Variants in SH2D4B observed in about 807,000 individuals in gnomAD.
SH2D4B encodes SH2 domain containing 4B.
A neutral mutation model predicts 61.5 loss-of-function variants in SH2D4B; 45 were observed. That is an observed-to-expected ratio of 0.73 (90% CI 0.58 to 0.94). The LOEUF (loss-of-function observed/expected upper bound fraction) is 0.94, where lower values mean the gene tolerates loss of function less well. Ranked by LOEUF, SH2D4B falls within the 40% of genes least tolerant of loss-of-function variation. The probability of loss-of-function intolerance (pLI) is 0.00; values close to 1 mark genes in which losing one functional copy is unlikely to be tolerated. For synonymous variants in SH2D4B, 224 were observed against 220.4 expected (o/e 1.02, Z -0.14); for missense variants, 572 against 574.2 (o/e 1.00, Z 0.04).
At chr10:80,614,665 C>G (rs1177931339) in intron 6 of SH2D4B, among the ~76,000 whole-genome samples, 2 of 152,262 alleles carry the variant, frequency 1.3e-5, no homozygotes, top group African/African-American at 4.8e-5. Flanking sequence ...CCTTTACACC[C>G]TCTGCTCCTG....
In SH2D4B at chr10:80,538,626, C is replaced by T; in HGVS notation, c.184+111C>T. 1 of 947,098 alleles carries T rather than the reference C, an allele frequency of 1.1e-6. No individual in the cohort carries two copies. 58.7% of individuals were successfully genotyped at this position (947,098 alleles called of 1,614,324 possible). On this transcript the variant is annotated intron_variant, in intron 1 of 7. Transcript: ENST00000646907. The surrounding 1 kb of genome is among the most constrained non-coding windows in gnomAD (Gnocchi z 4.8). ...AAGATGGGCACTGGGGTGATGAGGG[C>T]TGGGGGCTTGAAACCCTTGTCTTGT...
At chr10:80,554,113 GA>G (rs1303160237) in intron 1 of SH2D4B, among the ~76,000 whole-genome samples, 2 of 152,228 alleles carry the variant, frequency 1.3e-5, no homozygotes, top group African/African-American at 4.8e-5. Flanking sequence ...AGTTCTAGAA[GA>G]ACTTTTCCAG....
chr10:80,562,464 CA>C (rs1481466221), intron 1 of SH2D4B, among the ~76,000 whole-genome samples: 1 of 152,212 alleles, frequency 6.6e-6, no homozygotes, highest in South Asian at 2.1e-4. Flanking sequence ...AAGAACCTAT[CA>C]ATGATATTAT....
chr10:80,551,634 T>G (rs577112151), intron 1 of SH2D4B, among the ~76,000 whole-genome samples: 16 of 152,108 alleles, frequency 1.1e-4, no homozygotes, highest in Non-Finnish European at 2.2e-4. Flanking sequence ...CCACTCAAAT[T>G]AAAGCAATCA....
At chr10:80,590,599 A>T (rs1392805109) in intron 4 of SH2D4B, among the ~76,000 whole-genome samples, 2 of 152,132 alleles carry the variant, frequency 1.3e-5, no homozygotes, top group Non-Finnish European at 2.9e-5. Context: ...CACTTGACTG[A>T]TGATTGCAAC....
intron 6 of SH2D4B, among the ~76,000 whole-genome samples, chr10:80,610,864 G>T (rs1338867450): frequency 6.6e-6 from 1 of 152,154 alleles, no homozygotes; most frequent in Non-Finnish European, 1.5e-5. Context: ...TGAAGGAGCT[G>T]CCTCTATTTA....
chr10:80,574,097 G>C (rs1258368313), intron 3 of SH2D4B, among the ~76,000 whole-genome samples: 1 of 151,920 alleles, frequency 6.6e-6, no homozygotes, highest in Non-Finnish European at 1.5e-5. Flanking sequence ...TCTATTTTTT[G>C]GAACTTGGTA....
At chr10:80,608,941 G>C (rs539489513) in intron 5 of SH2D4B, among the ~76,000 whole-genome samples, 1 of 152,128 alleles carries the variant, frequency 6.6e-6, no homozygotes, top group Non-Finnish European at 1.5e-5. Flanking sequence ...CTAAGGAGGG[G>C]ACAAGACCCA....
intron 6 of SH2D4B, among the ~76,000 whole-genome samples, chr10:80,620,897 G>A (rs1343476370): frequency 6.6e-6 from 1 of 152,226 alleles, no homozygotes; most frequent in Admixed American, 6.5e-5. Flanking sequence ...GAGGGCCTAA[G>A]TTCCAGACAC....
At chr10:80,549,959 A>G (rs1841736195) in intron 1 of SH2D4B, among the ~76,000 whole-genome samples, 1 of 152,064 alleles carries the variant, frequency 6.6e-6, no homozygotes, top group African/African-American at 2.4e-5. Context: ...GAGAAAGATT[A>G]ATATTTAATT....
chr10:80,644,364 C>G lies in SH2D4B; in HGVS notation c.*279C>G. The G allele has an allele frequency of 2.8e-6, 1 of 360,124 alleles. No homozygotes were observed. The highest frequency in any genetic ancestry group is 5.0e-6 in the Non-Finnish European group (1 of 199,342). The allele number at this position is 360,124 out of a possible 1,614,324, so 22.3% of individuals were successfully genotyped here. A position where few individuals can be genotyped will look rare whatever the true frequency, so the allele number is the denominator to read the frequency against. ...CCTGTTTGTCATGGCTGCCGTAAACCGAGCTCTTACAGTGCGTGGACCATG... is the reference window on the plus strand; with the variant it reads ...CCTGTTTGTCATGGCTGCCGTAAACGGAGCTCTTACAGTGCGTGGACCATG... On this transcript the variant is annotated 3_prime_UTR_variant, in exon 8 of 8. Coordinates refer to ENST00000646907, the MANE Select transcript of SH2D4B (RefSeq NM_001388272.1).
At chr10:80,584,824 C>T (rs1224660382) in intron 3 of SH2D4B, among the ~76,000 whole-genome samples, 3 of 152,148 alleles carry the variant, frequency 2.0e-5, no homozygotes, top group African/African-American at 7.2e-5. Flanking sequence ...GCTAAATATG[C>T]ATGTGCCAAA....
chr10:80,559,636 C>A (rs74953492), intron 1 of SH2D4B, among the ~76,000 whole-genome samples: 5,294 of 141,636 alleles, frequency 0.037, 289 homozygotes, highest in African/African-American at 0.13. Context: ...TGTGGTCCTG[C>A]ATTTTTTTTT....
chr10:80,603,679 G>A lies in SH2D4B; in HGVS notation c.744G>A (p.Thr248=), dbSNP rs367575042. The part of the protein sequence containing the change: ...HHSLRAIQKG[T]VAGLSSMFRE... The stretch of plus-strand genomic sequence containing the variant: ...CGCTCCGTGCTATCCAGAAGGGCAC[G>A]GTCGCTGGCCTCAGCTCCATGTTCC... The change falls in exon 5 of 8, where the codon ACG becomes ACA. Residue 248 remains threonine, a synonymous_variant. Coordinates refer to ENST00000646907, the MANE Select transcript of SH2D4B (RefSeq NM_001388272.1). The A allele has an allele frequency of 5.0e-6, 8 of 1,611,534 alleles. No homozygotes were observed. In the African/African-American group the frequency reaches 8.0e-5, roughly 16 times the overall value.
intron 6 of SH2D4B, among the ~76,000 whole-genome samples, chr10:80,631,025 A>AAT (rs1325872989): frequency 1.3e-5 from 2 of 152,236 alleles, no homozygotes; most frequent in Admixed American, 1.3e-4. Flanking sequence ...AGTCCACAAA[A>AAT]TAACGTGTTG....
Position 80,571,730 on chromosome 10 carries a change from C to A in SH2D4B, c.495+152C>A, listed in dbSNP as rs372672962. The A allele has an allele frequency of 3.9e-4, 283 of 732,718 alleles. No individual in the cohort carries two copies. In the African/African-American group the frequency reaches 4.5e-3, roughly 12 times the overall value. 45.4% of individuals were successfully genotyped at this position (732,718 alleles called of 1,614,324 possible). ...TCTGTAATGTCTGAGCAGGAAGGAA[C>A]TTGACACACCATTTGGGCCAATCCA... On this transcript the variant is annotated intron_variant, in intron 3 of 7. Transcript: ENST00000646907.
intron 6 of SH2D4B, among the ~76,000 whole-genome samples, chr10:80,616,914 C>T (rs968164515): frequency 1.4e-4 from 22 of 152,202 alleles, no homozygotes; most frequent in African/African-American, 4.8e-4. Flanking sequence ...CTCTTCTAAA[C>T]ATTTCTCATA....
chr10:80,608,813 T>A (rs1461034080), intron 5 of SH2D4B, among the ~76,000 whole-genome samples: 1 of 152,158 alleles, frequency 6.6e-6, no homozygotes, highest in African/African-American at 2.4e-5. Context: ...CTCAGCCATT[T>A]CCAGAGCAAA....
At chr10:80,577,710 G>A (rs1241679965) in intron 3 of SH2D4B, among the ~76,000 whole-genome samples, 2 of 151,686 alleles carry the variant, frequency 1.3e-5, no homozygotes, top group Admixed American at 1.3e-4. Flanking sequence ...ACAGGTGTGA[G>A]CCACAGCGCC....
Sources: gnomAD v4.1 joint callset for allele counts (sites outside exome capture counted in the v4.1 genomes callset) on GRCh38, gnomAD v4.1.1 for gene constraint, Gnocchi (gnomAD v3.1) non-coding constraint, MANE v1.5 for transcripts, NCBI Gene and HGNC (gene_info 2026-07-23, HGNC 2026-07-21) for gene names.